The following SMPD3 variants were observed in gnomAD, a reference collection of about 807,000 sequenced individuals.
SMPD3 encodes nSMase-2.
SMPD3 carries 21 observed loss-of-function variants against 55.7 expected under a neutral mutation model. The observed-to-expected ratio is 0.38, with a 90% confidence interval of 0.27 to 0.54. The LOEUF is 0.54. Among genes scored for constraint, SMPD3 ranks in the 20% least tolerant of loss-of-function variants. SMPD3 has a pLI of 0.80. For missense variants in SMPD3, 842 were observed against 899.6 expected, an observed-to-expected ratio of 0.94 and a Z score of 0.82; for synonymous variants, 457 against 404.3, an observed-to-expected ratio of 1.13 and a Z score of -1.56.
chr16:68,420,030 C>G (rs942718435), intron 1 of SMPD3, among the ~76,000 whole-genome samples: 2 of 149,014 alleles, frequency 1.3e-5, no homozygotes, highest in African/African-American at 2.5e-5. Flanking sequence ...GTCACATGGC[C>G]TGGAGTGCAG....
chr16:68,397,048 G>A (rs557340156), intron 1 of SMPD3, among the ~76,000 whole-genome samples: 22 of 152,322 alleles, frequency 1.4e-4, no homozygotes, highest in Admixed American at 1.4e-3. Context: ...CCCGTACTCA[G>A]AGATGAAAAC....
Position 68,361,048 on chromosome 16 carries a change from G to T in SMPD3, c.*158C>A. ...TCTGTCCACAGTGAGGCCCAGAGGC[G>T]CAGAGCAGCGCAGCTTCCAGGTTCC... is the stretch of plus-strand genomic sequence containing the variant. On this transcript the variant is annotated 3_prime_UTR_variant, in exon 9 of 9. Transcript: ENST00000219334. The T allele has an allele frequency of 1.5e-6, 1 of 659,806 alleles. No individual in the cohort carries two copies. The highest frequency in any genetic ancestry group is 2.5e-6 in the Non-Finnish European group (1 of 392,370). The allele number at this position is 659,806 out of a possible 1,614,324, so 40.9% of individuals were successfully genotyped here.
chr16:68,361,809 GCCTGGCA>G, intron 7 of SMPD3, 50 bp from the exon 8 acceptor site: 1 of 1,593,580 alleles, frequency 6.3e-7, no homozygotes, highest in Non-Finnish European at 8.5e-7. Flanking sequence ...GCCCCTGTGG[GCCTGGCA>G]GGGGCTGTGT....
chr16:68,392,123 C>T (rs751533425), intron 1 of SMPD3, among the ~76,000 whole-genome samples: 5 of 152,178 alleles, frequency 3.3e-5, no homozygotes, highest in Non-Finnish European at 7.3e-5. Context: ...AAATTCTGAC[C>T]TCAGGTGATC....
In SMPD3 at chr16:68,361,723, C is replaced by T. The variant is rs772561670; in HGVS notation, c.1746G>A (p.Leu582=). Reference sequence around the variant, plus strand: ...CCGAGCTCTTGCTGGTGGGAAACGCCAGGTACTCCCTGCGGCCCTCCTCAC... The same window carrying T: ...CCGAGCTCTTGCTGGTGGGAAACGCTAGGTACTCCCTGCGGCCCTCCTCAC... ...LESEEGRREY[L]AFPTSKSSGQ... is the part of the protein sequence containing the mutation. The change falls in exon 8 of 9, where the codon CTG becomes CTA. Residue 582 remains leucine (L), a synonymous_variant. Coordinates refer to ENST00000219334, the MANE Select transcript of SMPD3 (RefSeq NM_018667.4). The T allele has an allele frequency of 1.2e-6, 2 of 1,613,068 alleles. No individual in the cohort carries two copies. The highest frequency in any genetic ancestry group is 1.7e-6 in the Non-Finnish European group (2 of 1,179,962).
In SMPD3 at chr16:68,359,867, T is replaced by TAGGCATCTTGGGGCTGG. The variant is rs1242222543; in HGVS notation, c.*1322_*1338dup. On this transcript the variant is annotated 3_prime_UTR_variant, in exon 9 of 9. Transcript: ENST00000219334. ...TGCTGCCGAAGGGGCCTGGGGGCTG[T>TAGGCATCTTGGGGCTGG]AGGCATCTTGGGGCTGGAGGCAGAT... 1 of 151,656 alleles carries TAGGCATCTTGGGGCTGG rather than the reference T, an allele frequency of 6.6e-6. No individual in the cohort carries two copies. The highest frequency in any genetic ancestry group is 2.4e-5 in the African/African-American group (1 of 41,132). The allele number at this position is 151,656 out of a possible 1,614,324, so 9.4% of individuals were successfully genotyped here.
At chr16:68,361,551 G>C in intron 8 of SMPD3, 52 bp downstream of exon 8, 6 of 1,593,532 alleles carry the variant, frequency 3.8e-6, no homozygotes, top group Non-Finnish European at 4.3e-6. Context: ...TGCAGGGCCC[G>C]GGCCCTGCTC....
Position 68,364,876 on chromosome 16 carries a change from T to C in SMPD3, c.1430A>G (p.Asp477Gly). 1 of 1,613,910 alleles carries C rather than the reference T, an allele frequency of 6.2e-7. No homozygotes were observed. Among genetic ancestry groups the C allele is most frequent in the Admixed American group, 1.7e-5 (1 of 59,998 alleles). The part of the protein sequence containing the change: ...EDSAIRCGQL[D>G]LLQDWLADFR... ...ATCAGCCAGCCAGTCCTGAAGCAGG[T>C]CCAGCTGCCCACACCGGATGGCGCT... The change falls in exon 5 of 9, where the codon GAC becomes GGC. Residue 477 changes from aspartate to glycine, a missense_variant. Physicochemically the swap from Asp to Gly is moderately conservative, Grantham distance 94. Around this residue, in one of 2 missense-constraint regions of SMPD3, gnomAD observed 649 missense variants for 643.6 expected, o/e 1.01. Coordinates refer to ENST00000219334, the MANE Select transcript of SMPD3 (RefSeq NM_018667.4).
chr16:68,426,912 T>C (rs1567808467), intron 1 of SMPD3, among the ~76,000 whole-genome samples: 1 of 152,030 alleles, frequency 6.6e-6, no homozygotes, highest in Non-Finnish European at 1.5e-5. Context: ...GTTATTCCCA[T>C]TTTACAGATG....
At chr16:68,424,055 A>G (rs1262843958) in intron 1 of SMPD3, among the ~76,000 whole-genome samples, 2 of 150,800 alleles carry the variant, frequency 1.3e-5, no homozygotes, top group African/African-American at 4.9e-5. Flanking sequence ...ACAAAGCCCA[A>G]GGAGTTAGCC....
At chr16:68,409,657 G>T (rs1336267921) in intron 1 of SMPD3, among the ~76,000 whole-genome samples, 2 of 152,100 alleles carry the variant, frequency 1.3e-5, no homozygotes, top group South Asian at 4.1e-4. Context: ...GCAGTGGCGC[G>T]ATCTCGGCTC....
intron 1 of SMPD3, among the ~76,000 whole-genome samples, chr16:68,399,121 T>TA (rs1195393834): frequency 6.6e-6 from 1 of 152,254 alleles, no homozygotes; most frequent in Non-Finnish European, 1.5e-5. Context: ...AGCCTCTGCC[T>TA]ACACCTCTGG....
chr16:68,420,882 C>G (rs1194518860), intron 1 of SMPD3, among the ~76,000 whole-genome samples: 1 of 152,240 alleles, frequency 6.6e-6, no homozygotes, highest in Non-Finnish European at 1.5e-5. Flanking sequence ...ATGTCTTCAG[C>G]TAATGCAGAG....
chr16:68,397,897 G>A (rs2090173249), intron 1 of SMPD3, among the ~76,000 whole-genome samples: 1 of 152,226 alleles, frequency 6.6e-6, no homozygotes, highest in Non-Finnish European at 1.5e-5. Flanking sequence ...AGAGGGTCTG[G>A]GACCTGGGTC....
chr16:68,431,541 G>A (rs560652674), intron 1 of SMPD3, among the ~76,000 whole-genome samples: 25 of 152,228 alleles, frequency 1.6e-4, no homozygotes, highest in Admixed American at 5.2e-4. Context: ...TGGGGAGCCT[G>A]AAAACCACTG....
rs191016490 is a variant in SMPD3 at position 68,364,677 on chromosome 16, A to G, written c.1555+74T>C. 262 of 1,496,386 alleles carry G rather than the reference A, an allele frequency of 1.8e-4. 3 individuals carry two copies. The East Asian group carries it at 5.8e-3, about 33-fold the overall frequency. The allele number at this position is 1,496,386 out of a possible 1,614,324, so 92.7% of individuals were successfully genotyped here. ...AGGAATTCTTTGAGCTGCCTAACGA[A>G]GTCTGTCTAGCTGTGACTGAGCCCA... On this transcript the variant is annotated intron_variant, in intron 5 of 8. Transcript: ENST00000219334.
chr16:68,365,263 G>A (rs533755442), intron 3 of SMPD3, among the ~76,000 whole-genome samples, 171 bp from the exon 4 acceptor site: 1 of 152,284 alleles, frequency 6.6e-6, no homozygotes, highest in African/African-American at 2.4e-5. Context: ...AGGGACTTAC[G>A]GATCTGGGCC....
chr16:68,364,616 C>G, intron 5 of SMPD3, 135 bp downstream of exon 5: 1 of 1,002,234 alleles, frequency 1.0e-6, no homozygotes, highest in Non-Finnish European at 1.5e-6. Context: ...AGAAATCAGT[C>G]TTGCTAAATA....
chr16:68,406,391 C>T (rs1475745715), intron 1 of SMPD3, among the ~76,000 whole-genome samples: 1 of 152,160 alleles, frequency 6.6e-6, no homozygotes, highest in Middle Eastern at 3.2e-3. Flanking sequence ...ATCAATTTAA[C>T]CTGGCCCTCC....
Sources: allele counts gnomAD v4.1 joint callset (sites outside exome capture counted in the v4.1 genomes callset), GRCh38; gene constraint gnomAD v4.1.1; regional missense constraint gnomAD v4.1.1; transcripts MANE v1.5; gene names NCBI Gene and HGNC (gene_info 2026-07-23, HGNC 2026-07-21).